ARHGEF16: variants seen among roughly 807,000 people sequenced by gnomAD.
ARHGEF16 encodes Rho guanine exchange factor (GEF) 16.
ARHGEF16 carries 59 observed loss-of-function variants against 74.1 expected under a neutral mutation model. The observed-to-expected ratio is 0.80, with a 90% CI of 0.65 to 0.99. The LOEUF (loss-of-function observed/expected upper bound fraction) is 0.99. ARHGEF16 is among the 50% of genes least tolerant of loss of function. The pLI is 0.00. For synonymous variants in ARHGEF16, 415 were observed against 412.6 expected (o/e 1.01, Z -0.07); for missense variants, 948 against 986.6 (o/e 0.96, Z 0.52).
In ARHGEF16 at chr1:3,474,524, C is replaced by T. The variant is rs1472671635; in HGVS notation, c.1306-184C>T. ...CTGTTCCCACTCAACCTGGCCTGAC[C>T]TGGCAGAGCTCCAGGTGGTGCAGAG... On this transcript the variant is annotated intron_variant, in intron 8 of 14. Transcript: ENST00000378378. 1.0e-5 allele frequency: 6 copies of T among 598,804 alleles called. No individual in the cohort carries two copies. The African/African-American group carries it at 1.1e-4, about 11-fold the overall frequency. 37.1% of individuals were successfully genotyped at this position (598,804 alleles called of 1,614,324 possible).
At chr1:3,465,225 G>A (rs959047999) in intron 2 of ARHGEF16, among the ~76,000 whole-genome samples, 8 of 152,252 alleles carry the variant, frequency 5.3e-5, no homozygotes, top group Admixed American at 6.5e-5. Flanking sequence ...GTGAGCCCAC[G>A]GGCATGGGCC....
chr1:3,465,147 C>T (rs1639506178), intron 2 of ARHGEF16, among the ~76,000 whole-genome samples: 1 of 152,260 alleles, frequency 6.6e-6, no homozygotes, highest in Non-Finnish European at 1.5e-5. Context: ...CATTCATTCA[C>T]TGTTTATTTC....
intron 4 of ARHGEF16, among the ~76,000 whole-genome samples, chr1:3,468,042 A>G (rs7522513): frequency 0.75 from 113,882 of 152,142 alleles, 44,966 homozygotes; most frequent in Non-Finnish European, 0.87. Context: ...GGGCAGGCCC[A>G]GCGTGGGGTG....
Position 3,463,552 on chromosome 1 carries a change from G to A in ARHGEF16, c.468G>A (p.Ala156=), listed in dbSNP as rs371783854. Residue 156 remains alanine, a synonymous_variant, in exon 2 of 15, where the codon GCG becomes GCA. Transcript: ENST00000378378. ...ACCTGCGGAACCAATCCTACCGGGC[G>A]GCCATGAAGGGCCTGGGGAAGCCAG... is the stretch of plus-strand genomic sequence containing the variant. ...RRNLRNQSYR[A]AMKGLGKPGG... 39 of 1,458,262 alleles carry A rather than the reference G, an allele frequency of 2.7e-5. No homozygotes were observed. In the African/African-American group the frequency reaches 4.6e-4, roughly 17 times the overall value. 90.3% of individuals were successfully genotyped at this position (1,458,262 alleles called of 1,614,324 possible). A position where few individuals can be genotyped will look rare whatever the true frequency, so the allele number is the denominator to read the frequency against.
chr1:3,479,653 TGTAGCCCAA>T, intron 13 of ARHGEF16, 63 bp downstream of exon 13: 1 of 1,586,196 alleles, frequency 6.3e-7, no homozygotes, highest in Non-Finnish European at 8.6e-7. Flanking sequence ...TGGCCCCCAC[TGTAGCCCAA>T]GTGAGCCTGG....
chr1:3,476,020 G>C lies in ARHGEF16; in HGVS notation c.1431G>C (p.Gln477His), dbSNP rs143811823. 53 of 1,557,588 alleles carry C rather than the reference G, an allele frequency of 3.4e-5. No homozygotes were observed. Among genetic ancestry groups the C allele is most frequent in the Non-Finnish European group, 4.2e-5 (48 of 1,150,760 alleles). ...CCCACAGGATGGAGCGCATGGAGCA[G>C]ATGTACACGCTGCACACACAGCTGG... ...EGAHRMERME[Q>H]MYTLHTQLDF... Residue 477 changes from glutamine (Q) to histidine (H), a missense_variant, in exon 10 of 15, where the codon CAG (glutamine) becomes CAC (histidine). Coordinates refer to ENST00000378378, the MANE Select transcript of ARHGEF16 (RefSeq NM_014448.4).
At chr1:3,462,728 C>T (rs1484703667) in intron 1 of ARHGEF16, among the ~76,000 whole-genome samples, 1 of 152,226 alleles carries the variant, frequency 6.6e-6, no homozygotes, top group Non-Finnish European at 1.5e-5. Context: ...TCAGTGCGTG[C>T]TGCCCATCAG....
intron 11 of ARHGEF16, 71 bp downstream of exon 11, chr1:3,478,097 G>A (rs1639944132): frequency 6.2e-7 from 1 of 1,603,064 alleles, no homozygotes; most frequent in African/African-American, 1.3e-5. Context: ...TGGGGCAGGA[G>A]GGTACAGGGA....
In ARHGEF16 at chr1:3,466,204, CT is replaced by C. The variant is rs1401808395; in HGVS notation, c.634+13del. On this transcript the variant is annotated intron_variant, in intron 3 of 14. Transcript: ENST00000378378. ...GTTCCTTCAAGGACGGTGAGTGTGG[CT>C]TCGGGAGGCACCGCGGGCTGGGCTC... 4 of 1,536,970 alleles carry C rather than the reference CT, an allele frequency of 2.6e-6. No homozygotes were observed. The African/African-American group carries it at 5.5e-5, about 21-fold the overall frequency.
At chr1:3,477,631 A>T (rs1287533460) in intron 10 of ARHGEF16, among the ~76,000 whole-genome samples, 1 of 136,338 alleles carries the variant, frequency 7.3e-6, no homozygotes, top group Non-Finnish European at 1.6e-5. Flanking sequence ...GTGGTCACCC[A>T]GCCCTGGGCT....
At chr1:3,478,321 TC>T in intron 11 of ARHGEF16, 102 bp from the exon 12 acceptor site, 1 of 1,305,466 alleles carries the variant, frequency 7.7e-7, no homozygotes, top group Non-Finnish European at 1.1e-6. Context: ...CGTGGCTGCC[TC>T]CCCACCACTG....
intron 2 of ARHGEF16, among the ~76,000 whole-genome samples, chr1:3,464,230 G>A (rs1247732754): frequency 6.6e-6 from 1 of 152,232 alleles, no homozygotes; most frequent in Non-Finnish European, 1.5e-5. Context: ...CCTTTGCTGG[G>A]CAGGGTGTAG....
chr1:3,477,893 G>C lies in ARHGEF16; in HGVS notation c.1492G>C (p.Ala498Pro), dbSNP rs751301556. 59 of 1,612,230 alleles carry C rather than the reference G, an allele frequency of 3.7e-5. 1 individual carries two copies. The East Asian group carries it at 7.8e-4, about 21-fold the overall frequency. The change falls in exon 11 of 15, where the codon GCC (alanine) becomes CCC (proline). Residue 498 changes from alanine (A) to proline (P), a missense_variant. Ala to Pro is a conservative substitution (Grantham distance 27). Transcript: ENST00000378378. Reference protein sequence around the residue: ...SKVKSLPLISASRWLLKRGEL... With the variant: ...SKVKSLPLISPSRWLLKRGEL... ...CCCCCAGTCCCTCCCACTGATCTCT[G>C]CCTCCCGGTGGCTGCTGAAGCGCGG...
In ARHGEF16 at chr1:3,457,305, C is replaced by T. The variant is rs1334459959; in HGVS notation, c.-20+2494C>T. On this transcript the variant is annotated intron_variant, in intron 1 of 14. Transcript: ENST00000378378. ...ATGGACAGGTGCTAGAGAGGCCGCG[C>T]CCCACTGGGCCGAGTGGGGTCAGCC... is the stretch of plus-strand genomic sequence containing the variant. Among the ~76,000 whole-genome samples, 14 of 152,360 alleles carry T rather than the reference C, an allele frequency of 9.2e-5. No homozygotes were observed. In the South Asian group the frequency reaches 2.5e-3, roughly 27 times the overall value.
At chr1:3,473,716 A>C in intron 8 of ARHGEF16, 194 bp downstream of exon 8, 3 of 916,286 alleles carry the variant, frequency 3.3e-6, no homozygotes, top group Non-Finnish European at 4.9e-6. Flanking sequence ...CACAGAGCTC[A>C]CTGTGCCGGG....
chr1:3,465,616 G>A (rs10909947), intron 2 of ARHGEF16, among the ~76,000 whole-genome samples: 3 of 152,062 alleles, frequency 2.0e-5, no homozygotes, highest in African/African-American at 7.2e-5. Flanking sequence ...TACCTGTGGC[G>A]TCAGGAAAGT....
intron 1 of ARHGEF16, among the ~76,000 whole-genome samples, chr1:3,460,826 G>A (rs944496135): frequency 2.6e-5 from 4 of 152,150 alleles, no homozygotes; most frequent in South Asian, 2.1e-4. Context: ...CCCGGCCAGC[G>A]TGGGGGCCGT....
intron 3 of ARHGEF16, 75 bp from the exon 4 acceptor site, chr1:3,467,093 C>T: frequency 6.9e-7 from 1 of 1,446,496 alleles, no homozygotes; most frequent in Non-Finnish European, 9.3e-7. Flanking sequence ...CTAGAGGACT[C>T]AGCTGGCGGG....
At position 3,478,460 on chromosome 1, in the gene ARHGEF16, G is replaced by A. The variant is rs766577565; in HGVS notation, c.1662G>A (p.Met554Ile). 20 of 1,611,914 alleles carry A rather than the reference G, an allele frequency of 1.2e-5. No individual in the cohort carries two copies. Among genetic ancestry groups the A allele is most frequent in the Non-Finnish European group, 1.7e-5 (20 of 1,179,410 alleles). Residue 554 changes from methionine to isoleucine, a missense_variant, in exon 12 of 15, where the codon ATG becomes ATA. Coordinates refer to ENST00000378378, the MANE Select transcript of ARHGEF16 (RefSeq NM_014448.4). Reference protein sequence around the residue: ...ESYMVQDYAQMNHIQVEKIEP... With the variant: ...ESYMVQDYAQINHIQVEKIEP... Reference sequence around the variant, plus strand: ...ACATGGTCCAGGACTACGCCCAGATGAACCACATCCAGGTGGAGAAGATAG... The same window carrying A: ...ACATGGTCCAGGACTACGCCCAGATAAACCACATCCAGGTGGAGAAGATAG...
Sources: gnomAD v4.1 joint callset for allele counts (sites outside exome capture counted in the v4.1 genomes callset) on GRCh38, gnomAD v4.1.1 for gene constraint, MANE v1.5 for transcripts, NCBI Gene and HGNC (gene_info 2026-07-23, HGNC 2026-07-21) for gene names.